TTC39A: variants seen among roughly 807,000 people sequenced by gnomAD.
TTC39A encodes tetratricopeptide repeat protein 39A.
Under a neutral mutation model 82.3 loss-of-function variants are expected in TTC39A, and 46 were observed. That is an observed-to-expected ratio of 0.56 (90% CI 0.44 to 0.71). The LOEUF (loss-of-function observed/expected upper bound fraction) is 0.71. TTC39A is among the 30% of genes least tolerant of loss of function. The pLI, the probability that TTC39A is intolerant of heterozygous loss-of-function variation, is 0.00. For synonymous variants in TTC39A, 254 were observed against 275.2 expected, an observed-to-expected ratio of 0.92 and a Z score of 0.76; for missense variants, 543 against 712.9, an observed-to-expected ratio of 0.76 and a Z score of 2.71.
rs140649322 is a variant in TTC39A at position 51,288,004 on chromosome 1, G to A, written c.*153C>T. ...GCTACACTGGTGAAAATGCCAGCTC[G>A]GCTTCTGCACGGATACACTATGTTG... On this transcript the variant is annotated 3_prime_UTR_variant, in exon 18 of 18. Transcript: ENST00000680483. This position sits in a 1 kb window ranked among gnomAD's most constrained non-coding sequence, Gnocchi z 4.8. 46 of 1,264,672 alleles carry A rather than the reference G, an allele frequency of 3.6e-5. No homozygotes were observed. In the East Asian group the frequency reaches 9.8e-4, roughly 27 times the overall value. The allele number at this position is 1,264,672 out of a possible 1,614,324, so 78.3% of individuals were successfully genotyped here. A position where few individuals can be genotyped will look rare whatever the true frequency, so the allele number is the denominator to read the frequency against.
Position 51,330,431 on chromosome 1 carries a change from A to T in TTC39A, c.41+6T>A. The T allele has an allele frequency of 1.0e-6, 1 of 980,040 alleles. No individual in the cohort carries two copies. Among genetic ancestry groups the T allele is most frequent in the African/African-American group, 1.8e-5 (1 of 56,282 alleles). 60.7% of individuals were successfully genotyped at this position (980,040 alleles called of 1,614,324 possible). A position where few individuals can be genotyped will look rare whatever the true frequency, so the allele number is the denominator to read the frequency against. ...GCGCCCCCGGGCCTCCCAGCCGCGCACTTACCCCGCGGGCAGGGCTCCTGG... is the reference window on the plus strand; with the variant it reads ...GCGCCCCCGGGCCTCCCAGCCGCGCTCTTACCCCGCGGGCAGGGCTCCTGG... On this transcript the variant is annotated splice_donor_region_variant and intron_variant, in intron 1 of 17. Coordinates refer to ENST00000680483, the MANE Select transcript of TTC39A (RefSeq NM_001297663.2). The surrounding 1 kb of genome is among the most constrained non-coding windows in gnomAD (Gnocchi z 4.5).
chr1:51,314,011 C>A (rs1477357542), intron 2 of TTC39A, among the ~76,000 whole-genome samples: 1 of 152,244 alleles, frequency 6.6e-6, no homozygotes, highest in Non-Finnish European at 1.5e-5. Flanking sequence ...ATAGGCTCAG[C>A]TCTCCCCATA....
At chr1:51,302,239 G>GGGGGGGGGC in intron 11 of TTC39A, 118 bp downstream of exon 11, 1 of 738,190 alleles carries the variant, frequency 1.4e-6, no homozygotes, top group Non-Finnish European at 2.4e-6. Context: ...GTTCTCTCTT[G>GGGGGGGGGC]GCCCCCCCCC....
At chr1:51,323,101 G>A (rs574768539) in intron 1 of TTC39A, among the ~76,000 whole-genome samples, 1 of 152,090 alleles carries the variant, frequency 6.6e-6, no homozygotes, top group East Asian at 1.9e-4. Flanking sequence ...ATCCCAACGT[G>A]TTGGGATTAC....
Position 51,313,535 on chromosome 1 carries a change from C to T in TTC39A, c.147-592G>A, listed in dbSNP as rs551403244. Among the ~76,000 whole-genome samples the T allele has an allele frequency of 1.8e-3, 280 of 152,314 alleles. 12 individuals carry two copies. The South Asian group carries it at 0.053, about 29-fold the overall frequency. ...CCGGGGCTAAAGCTCCATGAGACGCCGGCTCTGCCCACCTCTCCAGCCCTC... is the reference window on the plus strand; with the variant it reads ...CCGGGGCTAAAGCTCCATGAGACGCTGGCTCTGCCCACCTCTCCAGCCCTC... On this transcript the variant is annotated intron_variant, in intron 2 of 17. Coordinates refer to ENST00000680483, the MANE Select transcript of TTC39A (RefSeq NM_001297663.2).
In TTC39A at chr1:51,321,753, C is replaced by T. The variant is rs761588897; in HGVS notation, c.114G>A (p.Gln38=). ...MTALDLFLTN[Q]FSEALSYLKP... ...TGAGGTAGCTGAGTGCTTCTGAGAACTGGTTGGTGAGGAAGAGGTCCAGGG... is the reference window on the plus strand; with the variant it reads ...TGAGGTAGCTGAGTGCTTCTGAGAATTGGTTGGTGAGGAAGAGGTCCAGGG... The change falls in exon 2 of 18, where the codon CAG becomes CAA. Residue 38 remains glutamine (Q), a synonymous_variant. Coordinates refer to ENST00000680483, the MANE Select transcript of TTC39A (RefSeq NM_001297663.2). This position sits in a 1 kb window ranked among gnomAD's most constrained non-coding sequence, Gnocchi z 4.6. 1.9e-6 allele frequency: 3 copies of T among 1,613,980 alleles called. No homozygotes were observed. Among genetic ancestry groups the T allele is most frequent in the Non-Finnish European group, 1.7e-6 (2 of 1,179,870 alleles).
intron 1 of TTC39A, among the ~76,000 whole-genome samples, chr1:51,323,358 C>G (rs917989654): frequency 6.6e-6 from 1 of 152,180 alleles, no homozygotes; most frequent in African/African-American, 2.4e-5. Context: ...AAGTGATCCT[C>G]CCACCTCATC....
intron 12 of TTC39A, chr1:51,300,131 G>T (rs958098377): frequency 6.6e-6 from 1 of 152,240 alleles, no homozygotes; most frequent in Admixed American, 6.5e-5. Flanking sequence ...CTCAAATCCG[G>T]TGTCTGTCAC....
intron 1 of TTC39A, among the ~76,000 whole-genome samples, chr1:51,339,897 A>G (rs1019724009): frequency 6.6e-6 from 1 of 152,190 alleles, no homozygotes; most frequent in Non-Finnish European, 1.5e-5. Context: ...CCCAACATTC[A>G]TATGTGGAAA....
intron 7 of TTC39A, chr1:51,305,712 G>C (rs1437855086): frequency 7.6e-6 from 4 of 522,972 alleles, no homozygotes; most frequent in Middle Eastern, 5.1e-4. Context: ...TGCTGTGAAG[G>C]TTCCACCATG....
chr1:51,336,982 AC>A (rs112304929), intron 1 of TTC39A, among the ~76,000 whole-genome samples: 1 of 151,736 alleles, frequency 6.6e-6, no homozygotes, highest in Non-Finnish European at 1.5e-5. Context: ...ACATAGTGAA[AC>A]CCCCGTCTCT....
intron 1 of TTC39A, among the ~76,000 whole-genome samples, chr1:51,337,244 G>A (rs1333131911): frequency 1.3e-5 from 2 of 151,824 alleles, no homozygotes; most frequent in African/African-American, 4.8e-5. Flanking sequence ...TCTTATTTCA[G>A]CCACACCAGC....
rs767141526 is a variant in TTC39A at position 51,312,804 on chromosome 1, C to A, written c.278+8G>T. The A allele has an allele frequency of 8.1e-6, 13 of 1,612,310 alleles. No individual in the cohort carries two copies. Among genetic ancestry groups the A allele is most frequent in the Admixed American group, 1.7e-5 (1 of 59,976 alleles). ...CAACCTCTGATCCCTGCCCCCAATG[C>A]CCCCAACCTCTGACACAGCATCTGT... On this transcript the variant is annotated splice_region_variant and intron_variant, in intron 3 of 17. Coordinates refer to ENST00000680483, the MANE Select transcript of TTC39A (RefSeq NM_001297663.2).
chr1:51,293,241 AT>A (rs1442489951), intron 14 of TTC39A, among the ~76,000 whole-genome samples: 9 of 151,860 alleles, frequency 5.9e-5, no homozygotes, highest in Non-Finnish European at 1.2e-4. Flanking sequence ...CTAATTTTGT[AT>A]TTTTAGTAGA....
chr1:51,337,807 C>T (rs1285903309), intron 1 of TTC39A, among the ~76,000 whole-genome samples: 2 of 152,176 alleles, frequency 1.3e-5, no homozygotes, highest in Non-Finnish European at 2.9e-5. Context: ...CGCTTGTTGT[C>T]AAGTGACATC....
exon 1 of TTC39A, chr1:51,345,038 G>A (rs1209934569): frequency 6.7e-7 from 1 of 1,490,066 alleles, no homozygotes. Context: ...TGGTCAGAAA[G>A]GCCATGGGCG....
chr1:51,306,853 A>ACCCCCCCCCCCCCCCC (rs3068549), intron 6 of TTC39A, among the ~76,000 whole-genome samples: 29 of 60,192 alleles, frequency 4.8e-4, no homozygotes, highest in African/African-American at 6.0e-4. Context: ...TAAGGGACAG[A>ACCCCCCCCCCCCCCCC]CCCCCCCCCC....
intron 2 of TTC39A, among the ~76,000 whole-genome samples, chr1:51,315,796 G>A (rs190855019): frequency 1.3e-3 from 201 of 152,224 alleles, no homozygotes; most frequent in African/African-American, 4.4e-3. Context: ...GCCTAGAAAC[G>A]CCCTCCATCT....
At chr1:51,343,140 C>G (rs1646057758) in intron 1 of TTC39A, 4 of 447,040 alleles carry the variant, frequency 8.9e-6, no homozygotes, top group Non-Finnish European at 1.8e-5. Context: ...CATCCCATGT[C>G]CTCATCAAAA....
Sources: gnomAD v4.1 joint callset for allele counts (sites outside exome capture counted in the v4.1 genomes callset) on GRCh38, gnomAD v4.1.1 for gene constraint, Gnocchi (gnomAD v3.1) non-coding constraint, MANE v1.5 for transcripts, NCBI Gene and HGNC (gene_info 2026-07-23, HGNC 2026-07-21) for gene names.